Variants in AGPAT4 observed in about 807,000 individuals in gnomAD.
AGPAT4 encodes the protein 1-acylglycerol-3-phosphate O-acyltransferase 4.
A neutral mutation model predicts 48.0 loss-of-function variants in AGPAT4; 15 were observed. The observed-to-expected ratio is 0.31, with a 90% CI of 0.21 to 0.48. AGPAT4 has a LOEUF of 0.48. AGPAT4 is among the 20% of genes least tolerant of loss of function. The pLI is 0.99. For missense variants in AGPAT4, 314 were observed against 482.5 expected (o/e 0.65, Z 3.27); for synonymous variants, 178 against 198.7 (o/e 0.90, Z 0.88).
In AGPAT4 at chr6:161,154,387, T is replaced by G. The variant is rs1251513000; in HGVS notation, c.349-77A>C. The G allele has an allele frequency of 1.9e-6, 3 of 1,562,580 alleles. No individual in the cohort carries two copies. The East Asian group carries it at 6.8e-5, about 35-fold the overall frequency. ...CTGCCGGGGCTGTTGGAGACTGAAG[T>G]AGAAAAAGAGGAGGGGACGTTCACA... On this transcript the variant is annotated intron_variant, in intron 3 of 8. Coordinates refer to ENST00000320285, the MANE Select transcript of AGPAT4 (RefSeq NM_020133.3). The surrounding 1 kb of genome is among the most constrained non-coding windows in gnomAD (Gnocchi z 7.8).
intron 3 of AGPAT4, among the ~76,000 whole-genome samples, chr6:161,163,158 A>C (rs1031512695): frequency 1.3e-5 from 2 of 152,236 alleles, no homozygotes; most frequent in Non-Finnish European, 2.9e-5. Context: ...AGACAATTCC[A>C]TTACTTTCCC....
intron 2 of AGPAT4, among the ~76,000 whole-genome samples, chr6:161,192,034 C>CT (rs1562331686): frequency 0.02 from 2,582 of 131,902 alleles, 89 homozygotes; most frequent in African/African-American, 0.086. Context: ...TTTGTGCATT[C>CT]CTTTTTTTTT....
chr6:161,182,823 G>T (rs1780639479), intron 2 of AGPAT4, among the ~76,000 whole-genome samples: 1 of 152,234 alleles, frequency 6.6e-6, no homozygotes, highest in African/African-American at 2.4e-5. Flanking sequence ...GCTTTTGGGA[G>T]AGAGTCCTGA....
At chr6:161,187,378 C>A (rs775649274) in intron 2 of AGPAT4, among the ~76,000 whole-genome samples, 15 of 152,126 alleles carry the variant, frequency 9.9e-5, no homozygotes, top group Non-Finnish European at 2.2e-4. Flanking sequence ...TTTGCCCAAC[C>A]ATGGGTCTCA....
intron 1 of AGPAT4, among the ~76,000 whole-genome samples, chr6:161,250,899 T>C (rs1240115724): frequency 1.3e-5 from 2 of 152,220 alleles, no homozygotes; most frequent in African/African-American, 2.4e-5. Flanking sequence ...ATTTATTAAA[T>C]GCTGTTTCCC....
At chr6:161,248,484 G>A (rs1212248553) in intron 1 of AGPAT4, among the ~76,000 whole-genome samples, 1 of 146,134 alleles carries the variant, frequency 6.8e-6, no homozygotes, top group Non-Finnish European at 1.5e-5. Flanking sequence ...TGAGGCAGGA[G>A]AATAGAGTGA....
Position 161,135,938 on chromosome 6 carries a change from T to A in AGPAT4, c.*602A>T, listed in dbSNP as rs1441749166. The stretch of plus-strand genomic sequence containing the variant: ...TGGACCTGTGTCTCCTGCCAGGAGC[T>A]GTGCTGGCCTGCCCACCCCTCTCAG... On this transcript the variant is annotated 3_prime_UTR_variant, in exon 9 of 9. Transcript: ENST00000320285. The A allele has an allele frequency of 6.5e-6, 1 of 153,260 alleles. No homozygotes were observed. The highest frequency in any genetic ancestry group is 1.5e-5 in the Non-Finnish European group (1 of 68,834). 9.5% of individuals were successfully genotyped at this position (153,260 alleles called of 1,614,324 possible). A position where few individuals can be genotyped will look rare whatever the true frequency, so the allele number is the denominator to read the frequency against.
At chr6:161,209,495 A>C (rs1440476435) in intron 2 of AGPAT4, among the ~76,000 whole-genome samples, 1 of 152,082 alleles carries the variant, frequency 6.6e-6, no homozygotes, top group Non-Finnish European at 1.5e-5. Flanking sequence ...TGATCCTGAT[A>C]CTCTGTTCCA....
At position 161,149,404 on chromosome 6, in the gene AGPAT4, G is replaced by C; in HGVS notation, c.665-115C>G. 1.2e-6 allele frequency: 1 copy of C among 859,936 alleles called. No individual in the cohort carries two copies. Among genetic ancestry groups the C allele is most frequent in the Non-Finnish European group, 1.7e-6 (1 of 585,426 alleles). 53.3% of individuals were successfully genotyped at this position (859,936 alleles called of 1,614,324 possible). ...ATGGCTAACTGCTTATCTAGAAATGGTGTGGTCAGATTTCTTTCTTTCTAT... is the reference window on the plus strand; with the variant it reads ...ATGGCTAACTGCTTATCTAGAAATGCTGTGGTCAGATTTCTTTCTTTCTAT... On this transcript the variant is annotated intron_variant, in intron 5 of 8. Coordinates refer to ENST00000320285, the MANE Select transcript of AGPAT4 (RefSeq NM_020133.3). The surrounding 1 kb of genome is among the most constrained non-coding windows in gnomAD (Gnocchi z 6.5).
intron 1 of AGPAT4, among the ~76,000 whole-genome samples, chr6:161,241,476 C>T (rs562362811): frequency 6.6e-6 from 1 of 152,280 alleles, no homozygotes; most frequent in East Asian, 1.9e-4. Flanking sequence ...CAAAGCCCCA[C>T]TCTTGCATGA....
chr6:161,210,948 G>A (rs1781506243), intron 2 of AGPAT4, among the ~76,000 whole-genome samples: 1 of 152,176 alleles, frequency 6.6e-6, no homozygotes, highest in South Asian at 2.1e-4. Flanking sequence ...TAGCCCACAG[G>A]CAGTAAAATT....
rs978186855 is a variant in AGPAT4 at position 161,218,153 on chromosome 6, C to G, written c.178+13883G>C. Reference sequence around the variant, plus strand: ...TACAACCTGCACAAGATGACTGTAGCTCTCTACCCCCGTCCACAGTGACGG... The same window carrying G: ...TACAACCTGCACAAGATGACTGTAGGTCTCTACCCCCGTCCACAGTGACGG... On this transcript the variant is annotated intron_variant, in intron 2 of 8. Transcript: ENST00000320285. This position sits in a 1 kb window ranked among gnomAD's most constrained non-coding sequence, Gnocchi z 4.7. 6.6e-5 allele frequency among the ~76,000 whole-genome samples: 10 copies of G among 152,216 alleles called. No homozygotes were observed. The highest frequency in any genetic ancestry group is 2.4e-4 in the African/African-American group (10 of 41,452).
Position 161,148,182 on chromosome 6 carries a change from G to A in AGPAT4, c.767+1005C>T, listed in dbSNP as rs1379996342. ...CTTTACTCCTAGGAGAAGGTCTAAA[G>A]GTCTCCTTCGGGCAGGTGGGTGATT... On this transcript the variant is annotated intron_variant, in intron 6 of 8. Transcript: ENST00000320285. The surrounding 1 kb of genome is among the most constrained non-coding windows in gnomAD (Gnocchi z 5.5). 6.6e-6 allele frequency among the ~76,000 whole-genome samples: 1 copy of A among 152,232 alleles called. No homozygotes were observed. The highest frequency in any genetic ancestry group is 1.5e-5 in the Non-Finnish European group (1 of 68,042).
chr6:161,191,351 T>A (rs1412544335), intron 2 of AGPAT4, among the ~76,000 whole-genome samples: 1 of 151,912 alleles, frequency 6.6e-6, no homozygotes, highest in African/African-American at 2.4e-5. Flanking sequence ...TATGGAAGAG[T>A]TAAAATGTGG....
At chr6:161,209,143 G>A (rs528874257) in intron 2 of AGPAT4, among the ~76,000 whole-genome samples, 12 of 152,304 alleles carry the variant, frequency 7.9e-5, no homozygotes, top group South Asian at 2.1e-4. Context: ...ATTCCTCATC[G>A]AAGTGGAACT....
At chr6:161,228,602 A>T (rs1782042953) in intron 2 of AGPAT4, among the ~76,000 whole-genome samples, 2 of 123,998 alleles carry the variant, frequency 1.6e-5, no homozygotes, top group African/African-American at 3.2e-5. Context: ...TTTAACCCTG[A>T]CATTAATAGA....
At position 161,221,681 on chromosome 6, in the gene AGPAT4, C is replaced by T. The variant is rs1171603671; in HGVS notation, c.178+10355G>A. Among the ~76,000 whole-genome samples, 1 of 152,132 alleles carries T rather than the reference C, an allele frequency of 6.6e-6. No individual in the cohort carries two copies. The highest frequency in any genetic ancestry group is 1.5e-5 in the Non-Finnish European group (1 of 68,024). ...TGTCTGAGTTCTGGATTCCAGGAAC[C>T]TCAGATCGGGGTGTTAGCAGGGTTG... On this transcript the variant is annotated intron_variant, in intron 2 of 8. Transcript: ENST00000320285. This position sits in a 1 kb window ranked among gnomAD's most constrained non-coding sequence, Gnocchi z 4.5.
intron 2 of AGPAT4, among the ~76,000 whole-genome samples, chr6:161,185,962 T>C (rs1780756811): frequency 1.3e-5 from 2 of 152,232 alleles, no homozygotes; most frequent in African/African-American, 2.4e-5. Flanking sequence ...TTAAAAGGTC[T>C]AAAGTTCCCG....
chr6:161,215,240 G>T lies in AGPAT4; in HGVS notation c.178+16796C>A, dbSNP rs947311788. Among the ~76,000 whole-genome samples, 1 of 152,170 alleles carries T rather than the reference G, an allele frequency of 6.6e-6. No homozygotes were observed. Among genetic ancestry groups the T allele is most frequent in the African/African-American group, 2.4e-5 (1 of 41,438 alleles). On this transcript the variant is annotated intron_variant, in intron 2 of 8. Coordinates refer to ENST00000320285, the MANE Select transcript of AGPAT4 (RefSeq NM_020133.3). This position sits in a 1 kb window ranked among gnomAD's most constrained non-coding sequence, Gnocchi z 4.5. ...CTCTTCCATAACTCATACACTGCAT[G>T]TGTTGTAATCTGTTGCCTAGTTAGC...
Sources: gnomAD v4.1 joint callset for allele counts (sites outside exome capture counted in the v4.1 genomes callset) on GRCh38, gnomAD v4.1.1 for gene constraint, Gnocchi (gnomAD v3.1) non-coding constraint, MANE v1.5 for transcripts, NCBI Gene and HGNC (gene_info 2026-07-23, HGNC 2026-07-21) for gene names.